Variants in POU6F2 observed in about 807,000 individuals in gnomAD.
The protein encoded by POU6F2 is POU domain, class 6, transcription factor 2.
Under a neutral mutation model 71.3 loss-of-function variants are expected in POU6F2, and 31 were observed. That is an observed-to-expected ratio of 0.43 (90% CI 0.33 to 0.59). The LOEUF (loss-of-function observed/expected upper bound fraction) is 0.59, where lower values mean the gene tolerates loss of function less well. Ranked by LOEUF, POU6F2 falls within the 20% of genes least tolerant of loss-of-function variation. The probability of loss-of-function intolerance (pLI) is 0.04; values close to 1 mark genes in which losing one functional copy is unlikely to be tolerated. For synonymous variants in POU6F2, 347 were observed against 355.7 expected (o/e 0.98, Z 0.27); for missense variants, 783 against 856.8 (o/e 0.91, Z 1.07).
At chr7:39,219,791 A>C (rs1794312305) in intron 4 of POU6F2, among the ~76,000 whole-genome samples, 1 of 152,220 alleles carries the variant, frequency 6.6e-6, no homozygotes. Flanking sequence ...ATACAGGTCC[A>C]TTAACACATT....
At chr7:39,006,916 A>G (rs1420536518) in intron 1 of POU6F2, 1 of 1,562,494 alleles carries the variant, frequency 6.4e-7, no homozygotes, top group South Asian at 1.1e-5. Flanking sequence ...ATTTCCACAA[A>G]TTTATAATCT....
chr7:39,034,378 T>C, intron 1 of POU6F2: 1 of 292,102 alleles, frequency 3.4e-6, no homozygotes, highest in South Asian at 2.8e-5. Flanking sequence ...CATGCAAGAG[T>C]AGGAGAGAGG....
chr7:39,445,005 G>C (rs916595239), intron 7 of POU6F2, among the ~76,000 whole-genome samples: 2 of 152,092 alleles, frequency 1.3e-5, no homozygotes, highest in Non-Finnish European at 2.9e-5. Flanking sequence ...TATAATACTT[G>C]GAGACTACCA....
chr7:39,287,884 C>G (rs1275933942), intron 4 of POU6F2, among the ~76,000 whole-genome samples: 2 of 149,876 alleles, frequency 1.3e-5, no homozygotes, highest in Admixed American at 1.4e-4. Context: ...ACGCAGCACC[C>G]AGCCCAGGGC....
chr7:39,230,918 G>C (rs1348428728), intron 4 of POU6F2, among the ~76,000 whole-genome samples: 1 of 151,660 alleles, frequency 6.6e-6, no homozygotes, highest in African/African-American at 2.4e-5. Context: ...AAGCACAGTA[G>C]TTTTCAACTG....
intron 4 of POU6F2, among the ~76,000 whole-genome samples, chr7:39,292,572 T>A (rs1784780235): frequency 6.6e-6 from 1 of 152,118 alleles, no homozygotes; most frequent in Admixed American, 6.5e-5. Context: ...CGTTGGCATT[T>A]GGGATGCATT....
At chr7:39,033,660 G>A (rs1478610879) in intron 1 of POU6F2, among the ~76,000 whole-genome samples, 1 of 152,130 alleles carries the variant, frequency 6.6e-6, no homozygotes, top group Admixed American at 6.5e-5. Context: ...TCATGAGAAT[G>A]TGCCCAGCGC....
intron 2 of POU6F2, among the ~76,000 whole-genome samples, chr7:39,109,632 A>C (rs544129417): frequency 6.6e-6 from 1 of 152,202 alleles, no homozygotes; most frequent in African/African-American, 2.4e-5. Context: ...AGTATTGTTT[A>C]GTTTGATAGT....
chr7:39,269,985 G>T (rs1286231892), intron 4 of POU6F2, among the ~76,000 whole-genome samples: 6 of 152,218 alleles, frequency 3.9e-5, no homozygotes, highest in African/African-American at 1.4e-4. Context: ...ATAGGAAGAT[G>T]TTTTATCAGT....
chr7:39,388,790 A>G (rs1787004125), intron 5 of POU6F2, among the ~76,000 whole-genome samples: 1 of 152,076 alleles, frequency 6.6e-6, no homozygotes, highest in Non-Finnish European at 1.5e-5. Context: ...TAGTACATAA[A>G]CTCTATTTCA....
At chr7:39,432,688 G>C (rs2116028117) in intron 6 of POU6F2, among the ~76,000 whole-genome samples, 1 of 152,220 alleles carries the variant, frequency 6.6e-6, no homozygotes, top group South Asian at 2.1e-4. Context: ...GCCCCCCGGG[G>C]TTGGGGGGTG....
intron 2 of POU6F2, among the ~76,000 whole-genome samples, chr7:39,159,501 C>G (rs1010207320): frequency 1.3e-5 from 2 of 152,158 alleles, no homozygotes; most frequent in African/African-American, 4.8e-5. Flanking sequence ...CATTTAATTT[C>G]TATGTAGTCT....
chr7:38,980,856 C>T (rs538564932), intron 1 of POU6F2, among the ~76,000 whole-genome samples: 15 of 152,274 alleles, frequency 9.9e-5, no homozygotes, highest in African/African-American at 3.6e-4. Context: ...TCCACAGTTG[C>T]TTCCACTGTA....
chr7:39,008,999 G>A (rs1171015161), intron 1 of POU6F2, among the ~76,000 whole-genome samples: 7 of 152,108 alleles, frequency 4.6e-5, no homozygotes, highest in African/African-American at 1.4e-4. Flanking sequence ...TTGACTTGGC[G>A]ATGCAGGCTC....
chr7:39,295,050 T>A (rs1166494949), intron 4 of POU6F2, among the ~76,000 whole-genome samples: 1 of 152,202 alleles, frequency 6.6e-6, no homozygotes, highest in Non-Finnish European at 1.5e-5. Context: ...GATTCTCATT[T>A]TTCGGTCATG....
intron 4 of POU6F2, among the ~76,000 whole-genome samples, chr7:39,208,316 A>C (rs1584602610): frequency 6.6e-6 from 1 of 152,196 alleles, no homozygotes; most frequent in East Asian, 1.9e-4. Context: ...ATTCTGTCAG[A>C]GGAGTAATTA....
At chr7:39,279,197 A>G (rs542669625) in intron 4 of POU6F2, among the ~76,000 whole-genome samples, 1 of 151,728 alleles carries the variant, frequency 6.6e-6, no homozygotes, top group Non-Finnish European at 1.5e-5. Flanking sequence ...GATCCCCACA[A>G]TCCTCTTCCT....
intron 1 of POU6F2, among the ~76,000 whole-genome samples, chr7:39,071,939 G>T (rs1486396760): frequency 6.6e-6 from 1 of 152,120 alleles, no homozygotes; most frequent in African/African-American, 2.4e-5. Context: ...TATTCAGCAG[G>T]CTTGATTAGA....
rs957419760 is a variant in POU6F2 at position 39,068,980 on chromosome 7, G to C, written c.106-16880G>C. 2.6e-5 allele frequency among the ~76,000 whole-genome samples: 4 copies of C among 152,078 alleles called. No homozygotes were observed. In the East Asian group the frequency reaches 5.8e-4, roughly 22 times the overall value. ...ATATTTAACCCCCTGACTCCCCTGG[G>C]GTTCTGATCCACAGGACCTGCGGAT... On this transcript the variant is annotated intron_variant, in intron 1 of 9. Transcript: ENST00000518318.
Sources: allele counts gnomAD v4.1 joint callset (sites outside exome capture counted in the v4.1 genomes callset), GRCh38; gene constraint gnomAD v4.1.1; transcripts MANE v1.5; gene names NCBI Gene and HGNC (gene_info 2026-07-23, HGNC 2026-07-21).